The following P4HA3 variants were observed in gnomAD, a reference collection of about 807,000 sequenced individuals.
The protein encoded by P4HA3 is prolyl 4-hydroxylase subunit alpha-3.
P4HA3 carries 60 observed loss-of-function variants against 66.7 expected under a neutral mutation model. That is an observed-to-expected ratio of 0.90 (90% CI 0.73 to 1.12). The LOEUF (loss-of-function observed/expected upper bound fraction) is 1.12. P4HA3 is among the 50% of genes most tolerant of loss of function. The pLI is 0.00. For missense variants in P4HA3, 683 were observed against 685.8 expected (o/e 1.00, Z 0.05); for synonymous variants, 263 against 274.6 (o/e 0.96, Z 0.42).
intron 4 of P4HA3, among the ~76,000 whole-genome samples, chr11:74,291,366 A>G (rs1324736403): frequency 6.6e-6 from 1 of 152,186 alleles, no homozygotes. Flanking sequence ...GGGGTTTTCT[A>G]GATATACAAT....
At chr11:74,298,147 G>A (rs1405414282) in intron 4 of P4HA3, 65 bp downstream of exon 4, 2 of 1,536,330 alleles carry the variant, frequency 1.3e-6, no homozygotes, top group Admixed American at 3.8e-5. Context: ...CTTAGAAATT[G>A]TAAAGCAGCT....
chr11:74,298,746 A>T (rs1256918219), intron 3 of P4HA3, among the ~76,000 whole-genome samples: 1 of 152,174 alleles, frequency 6.6e-6, no homozygotes, highest in East Asian at 1.9e-4. Flanking sequence ...TTCCTTGAAG[A>T]AGGAAAAGGA....
At chr11:74,272,241 CAT>C (rs1184163175) in intron 10 of P4HA3, among the ~76,000 whole-genome samples, 2 of 141,450 alleles carry the variant, frequency 1.4e-5, no homozygotes, top group East Asian at 4.0e-4. Context: ...CACACACACA[CAT>C]GCATTTGCCA....
intron 12 of P4HA3, 116 bp from the exon 13 acceptor site, chr11:74,267,434 T>G (rs904361884): frequency 1.3e-5 from 17 of 1,305,758 alleles, no homozygotes; most frequent in Middle Eastern, 2.6e-4. Context: ...TTCTGCATCC[T>G]AGGTAACTCA....
Position 74,279,284 on chromosome 11 carries a change from T to A in P4HA3, c.1175+104A>T, listed in dbSNP as rs566507181. Reference sequence around the variant, plus strand: ...ACAGCTATAAACGTGAACTAGGGATTCTCCACCTCTGGAGGTCCCTGAATG... The same window carrying A: ...ACAGCTATAAACGTGAACTAGGGATACTCCACCTCTGGAGGTCCCTGAATG... On this transcript the variant is annotated intron_variant, in intron 8 of 12. Transcript: ENST00000331597. 7.3e-4 allele frequency: 755 copies of A among 1,031,936 alleles called. 7 individuals carry two copies. The South Asian group carries it at 9.3e-3, about 13-fold the overall frequency. 63.9% of individuals were successfully genotyped at this position (1,031,936 alleles called of 1,614,324 possible). A position where few individuals can be genotyped will look rare whatever the true frequency, so the allele number is the denominator to read the frequency against.
At chr11:74,296,087 T>C (rs553977220) in intron 4 of P4HA3, among the ~76,000 whole-genome samples, 2 of 152,234 alleles carry the variant, frequency 1.3e-5, no homozygotes, top group Non-Finnish European at 2.9e-5. Flanking sequence ...TATGTATGTA[T>C]CATGTAATAA....
chr11:74,288,377 T>G lies in P4HA3; in HGVS notation c.769+702A>C, dbSNP rs145285443. On this transcript the variant is annotated intron_variant, in intron 5 of 12. Transcript: ENST00000331597. ...AGTGAGCAATCCTGCTGAGTCACTT[T>G]CCTTCTTGCGTACATAGTGCACACT... 1.7e-4 allele frequency among the ~76,000 whole-genome samples: 26 copies of G among 152,342 alleles called. 1 individual carries two copies. The East Asian group carries it at 2.1e-3, about 12-fold the overall frequency.
intron 1 of P4HA3, among the ~76,000 whole-genome samples, chr11:74,310,484 T>C (rs968529258): frequency 3.0e-4 from 45 of 152,192 alleles, no homozygotes; most frequent in African/African-American, 1.1e-3. Flanking sequence ...ATCTCAGTTA[T>C]CATTTATTTA....
chr11:74,256,057 AT>A, intron 15 of P4HA3: 2 of 445,958 alleles, frequency 4.5e-6, no homozygotes, highest in South Asian at 3.2e-5. Flanking sequence ...CTTGACACAC[AT>A]CTCATTTAAT....
chr11:74,292,292 T>C (rs187482843), intron 4 of P4HA3, among the ~76,000 whole-genome samples: 9 of 152,194 alleles, frequency 5.9e-5, no homozygotes, highest in Non-Finnish European at 1.3e-4. Flanking sequence ...GGTGGTGATA[T>C]CCCCTTTATC....
rs532512259 is a variant in P4HA3 at position 74,279,654 on chromosome 11, G to A, written c.1111-202C>T. Among the ~76,000 whole-genome samples the A allele has an allele frequency of 1.1e-3, 171 of 152,326 alleles. 1 individual carries two copies. The highest frequency in any genetic ancestry group is 3.9e-3 in the African/African-American group (164 of 41,566). On this transcript the variant is annotated intron_variant, in intron 7 of 12. Coordinates refer to ENST00000331597, the MANE Select transcript of P4HA3 (RefSeq NM_182904.5). ...AAAAGATCATAAGTGACCAAAGATC[G>A]TAGAGTTGAAAATAACCTTTAACAC...
intron 7 of P4HA3, among the ~76,000 whole-genome samples, chr11:74,285,094 T>TATA (rs1301061255): frequency 1.3e-5 from 2 of 151,890 alleles, no homozygotes; most frequent in East Asian, 1.9e-4. Context: ...AACAATAAAA[T>TATA]ATAATAATAA....
chr11:74,295,892 G>T (rs1038538306), intron 4 of P4HA3, among the ~76,000 whole-genome samples: 1 of 152,190 alleles, frequency 6.6e-6, no homozygotes, highest in African/African-American at 2.4e-5. Context: ...CAAGGTCATA[G>T]CTTTTCAAAC....
At chr11:74,282,057 G>C (rs1183495042) in intron 7 of P4HA3, among the ~76,000 whole-genome samples, 1 of 150,740 alleles carries the variant, frequency 6.6e-6, no homozygotes, top group African/African-American at 2.4e-5. Context: ...GTCCTGTCCT[G>C]AGCCATTTGT....
At chr11:74,281,688 C>T (rs954221884) in intron 7 of P4HA3, among the ~76,000 whole-genome samples, 1 of 151,800 alleles carries the variant, frequency 6.6e-6, no homozygotes, top group Non-Finnish European at 1.5e-5. Context: ...ATCACATGGA[C>T]ACAGGAAGGG....
At position 74,298,361 on chromosome 11, in the gene P4HA3, C is replaced by T; in HGVS notation, c.568G>A (p.Val190Met). Reference sequence around the variant, plus strand: ...TAATAATCCCCCATGTCATAGGCCACCTACACAGAACACAAGTACCATCGC... The same window carrying T: ...TAATAATCCCCCATGTCATAGGCCATCTACACAGAACACAAGTACCATCGC... Reference protein sequence around the residue: ...TGDDCFQVGKVAYDMGDYYHA... With the variant: ...TGDDCFQVGKMAYDMGDYYHA... Residue 190 changes from valine to methionine, a missense_variant and splice_region_variant, in exon 4 of 13, where the codon GTG (valine) becomes ATG (methionine). Coordinates refer to ENST00000331597, the MANE Select transcript of P4HA3 (RefSeq NM_182904.5). The T allele has an allele frequency of 6.2e-7, 1 of 1,613,338 alleles. No homozygotes were observed. Among genetic ancestry groups the T allele is most frequent in the East Asian group, 2.2e-5 (1 of 44,870 alleles).
In P4HA3 at chr11:74,302,411, C is replaced by T; in HGVS notation, c.525G>A (p.Arg175=). 2 of 1,613,810 alleles carry T rather than the reference C, an allele frequency of 1.2e-6. No homozygotes were observed. The highest frequency in any genetic ancestry group is 1.7e-6 in the Non-Finnish European group (2 of 1,179,972). The change falls in exon 3 of 13, where the codon CGG becomes CGA. Residue 175 remains arginine, a synonymous_variant. Transcript: ENST00000331597. The stretch of plus-strand genomic sequence containing the variant: ...AGTCATCCCCTGTGAGAGAAAAGAG[C>T]CGTTTGGGGCTGTACAGGTCAGTGA... ...SAITDLYSPK[R]LFSLTGDDCF... is the part of the protein sequence containing the mutation.
At chr11:74,311,244 T>TC (rs1861733351) in intron 1 of P4HA3, 168 bp downstream of exon 1, 1 of 807,844 alleles carries the variant, frequency 1.2e-6, no homozygotes, top group East Asian at 3.3e-5. Context: ...TCAGAGCCAC[T>TC]CCCCACCCCA....
At chr11:74,269,266 G>T (rs1341327516) in intron 11 of P4HA3, among the ~76,000 whole-genome samples, 3 of 152,090 alleles carry the variant, frequency 2.0e-5, no homozygotes, top group Non-Finnish European at 4.4e-5. Context: ...GGATCAAAGG[G>T]CTATGAATTT....
Sources: allele counts gnomAD v4.1 joint callset (sites outside exome capture counted in the v4.1 genomes callset), GRCh38; gene constraint gnomAD v4.1.1; transcripts MANE v1.5; gene names NCBI Gene and HGNC (gene_info 2026-07-23, HGNC 2026-07-21).